The following XCR1 variants were observed in gnomAD, a reference collection of about 807,000 sequenced individuals.
XCR1 encodes the protein chemokine XC receptor 1.
For synonymous variants in XCR1, 187 were observed against 188.5 expected, an observed-to-expected ratio of 0.99 and a Z score of 0.06; for missense variants, 356 against 424.2, an observed-to-expected ratio of 0.84 and a Z score of 1.41.
intron 5 of XCR1, among the ~76,000 whole-genome samples, chr3:46,053,602 A>G (rs563211052): frequency 6.7e-6 from 1 of 150,132 alleles, no homozygotes; most frequent in Admixed American, 6.7e-5. Flanking sequence ...CTAAACTCCA[A>G]GAGGAGAAAA....
intron 5 of XCR1, among the ~76,000 whole-genome samples, chr3:46,033,478 C>A (rs1697344235): frequency 6.6e-6 from 1 of 152,190 alleles, no homozygotes; most frequent in African/African-American, 2.4e-5. Flanking sequence ...TGACAAAAAT[C>A]AGTTGACTAT....
chr3:46,041,022 A>G (rs1294772549), intron 5 of XCR1, among the ~76,000 whole-genome samples: 1 of 152,018 alleles, frequency 6.6e-6, no homozygotes, highest in Non-Finnish European at 1.5e-5. Flanking sequence ...GAGTCTGCAG[A>G]ATTTTTTTCT....
At chr3:46,035,404 C>T (rs1163310482) in intron 5 of XCR1, among the ~76,000 whole-genome samples, 1 of 152,172 alleles carries the variant, frequency 6.6e-6, no homozygotes, top group East Asian at 1.9e-4. Context: ...CAATAATTGT[C>T]TCAGTCATTG....
chr3:46,077,284 C>T (rs1698277365), intron 1 of XCR1, among the ~76,000 whole-genome samples: 1 of 152,108 alleles, frequency 6.6e-6, no homozygotes, highest in African/African-American at 2.4e-5. Flanking sequence ...AGGTCCTCCT[C>T]CTGTCAGATC....
In XCR1 at chr3:46,020,183, T is replaced by G. The variant is rs1428249890; in HGVS notation, c.*763A>C. 1 of 152,262 alleles carries G rather than the reference T, an allele frequency of 6.6e-6. No homozygotes were observed. Among genetic ancestry groups the G allele is most frequent in the Non-Finnish European group, 1.5e-5 (1 of 68,066 alleles). 9.4% of individuals were successfully genotyped at this position (152,262 alleles called of 1,614,324 possible). A position where few individuals can be genotyped will look rare whatever the true frequency, so the allele number is the denominator to read the frequency against. On this transcript the variant is annotated 3_prime_UTR_variant, in exon 2 of 2. Transcript: ENST00000309285. ...GGTGTTCACCAAGGTAGGTGAGCCT[T>G]TGGAGCTGGGCTGTTGGCCCCTGGA... is the stretch of plus-strand genomic sequence containing the variant.
intron 3 of XCR1, among the ~76,000 whole-genome samples, chr3:46,067,436 A>G (rs955121336): frequency 2.0e-5 from 3 of 152,212 alleles, no homozygotes; most frequent in Admixed American, 6.5e-5. Context: ...GAGACTGGAA[A>G]GATAAGCAGC....
At chr3:46,023,612 C>G in intron 1 of XCR1, 1 of 1,367,566 alleles carries the variant, frequency 7.3e-7, no homozygotes, top group Non-Finnish European at 1.0e-6. Context: ...AAACTCTCTG[C>G]CGAGGATGCG....
At chr3:46,032,883 T>C (rs2125896012) in intron 5 of XCR1, among the ~76,000 whole-genome samples, 1 of 152,352 alleles carries the variant, frequency 6.6e-6, no homozygotes, top group East Asian at 1.9e-4. Flanking sequence ...TGACATATGA[T>C]GTTGAGCATC....
chr3:46,082,834 G>A (rs1698400051), intron 1 of XCR1, among the ~76,000 whole-genome samples: 1 of 152,122 alleles, frequency 6.6e-6, no homozygotes, highest in Non-Finnish European at 1.5e-5. Context: ...ACTGTAGCAT[G>A]GAGGGATAAT....
chr3:46,036,233 G>C (rs1697428717), intron 5 of XCR1, among the ~76,000 whole-genome samples: 1 of 152,164 alleles, frequency 6.6e-6, no homozygotes, highest in Non-Finnish European at 1.5e-5. Flanking sequence ...GGTTCCAGGT[G>C]GTTTTCTGTG....
chr3:46,047,490 T>C (rs1162828120), intron 5 of XCR1, among the ~76,000 whole-genome samples: 1 of 152,210 alleles, frequency 6.6e-6, no homozygotes, highest in Non-Finnish European at 1.5e-5. Context: ...CAAAAAGACA[T>C]AAGGATTAAA....
Position 46,021,557 on chromosome 3 carries a change from C to T in XCR1, c.391G>A (p.Val131Ile), listed in dbSNP as rs1406637885. 1.1e-5 allele frequency: 18 copies of T among 1,610,536 alleles called. No homozygotes were observed. The highest frequency in any genetic ancestry group is 1.5e-5 in the Non-Finnish European group (18 of 1,178,284). Reference protein sequence around the residue: ...TIMTIHRYLSVVSPLSTLRVP... With the variant: ...TIMTIHRYLSIVSPLSTLRVP... ...CGCAGGGTGGAGAGGGGGCTCACTA[C>T]CGACAGGTAGCGGTGGATGGTCATG... Residue 131 changes from valine (V) to isoleucine (I), a missense_variant, in exon 2 of 2, where the codon GTA becomes ATA. Coordinates refer to ENST00000309285, the MANE Select transcript of XCR1 (RefSeq NM_001024644.2). The surrounding 1 kb of genome is among the most constrained non-coding windows in gnomAD (Gnocchi z 4.7).
At chr3:46,052,799 G>C (rs1697773210) in intron 5 of XCR1, among the ~76,000 whole-genome samples, 1 of 152,188 alleles carries the variant, frequency 6.6e-6, no homozygotes, top group African/African-American at 2.4e-5. Flanking sequence ...CAAGGTATGA[G>C]GAATCTGACG....
intron 1 of XCR1, among the ~76,000 whole-genome samples, chr3:46,024,611 A>C (rs1341731252): frequency 6.6e-6 from 1 of 152,236 alleles, no homozygotes; most frequent in South Asian, 2.1e-4. Context: ...GCTTTCTATC[A>C]TGTATTGACT....
chr3:46,058,011 CATCCTACTGGAT>C (rs1559490466), intron 4 of XCR1, among the ~76,000 whole-genome samples: 1 of 152,136 alleles, frequency 6.6e-6, no homozygotes, highest in Non-Finnish European at 1.5e-5. Flanking sequence ...CTATCTCCTA[CATCCTACTGGAT>C]ATCCTACTGG....
chr3:46,085,083 G>T (rs1015552886), intron 1 of XCR1, among the ~76,000 whole-genome samples: 2 of 151,986 alleles, frequency 1.3e-5, no homozygotes, highest in Non-Finnish European at 2.9e-5. Flanking sequence ...TACATTTTGT[G>T]CTCAGCTTCT....
exon 5 of XCR1, among the ~76,000 whole-genome samples, chr3:46,053,965 C>T (rs377711157): frequency 6.6e-5 from 10 of 151,994 alleles, no homozygotes; most frequent in South Asian, 2.1e-4. Context: ...GCTCCCTGTT[C>T]GCCTTGTCAG....
chr3:46,048,446 C>T (rs1033036261), intron 5 of XCR1, among the ~76,000 whole-genome samples: 8 of 152,112 alleles, frequency 5.3e-5, no homozygotes, highest in Admixed American at 4.6e-4. Context: ...CCCCAGGTTA[C>T]GGGGGTTGAT....
chr3:46,079,715 T>A (rs1317955170), intron 1 of XCR1, among the ~76,000 whole-genome samples: 2 of 152,128 alleles, frequency 1.3e-5, no homozygotes, highest in African/African-American at 4.8e-5. Context: ...GGACAAAAAC[T>A]GAACTGAAGA....
Sources: allele counts gnomAD v4.1 joint callset (sites outside exome capture counted in the v4.1 genomes callset), GRCh38; gene constraint gnomAD v4.1.1; non-coding constraint Gnocchi (gnomAD v3.1); transcripts MANE v1.5; gene names NCBI Gene and HGNC (gene_info 2026-07-23, HGNC 2026-07-21).